DAND5: variants seen among roughly 807,000 people sequenced by gnomAD.
The protein encoded by DAND5 is DAN domain family member 5.
In DAND5, 8 loss-of-function variants were observed where a neutral mutation model predicts 9.2. That is an observed-to-expected ratio of 0.87 (90% CI 0.51 to 1.56). The LOEUF (loss-of-function observed/expected upper bound fraction) is 1.56. Among genes scored for constraint, DAND5 ranks in the 40% most tolerant of loss-of-function variants. The pLI, the probability that DAND5 is intolerant of heterozygous loss-of-function variation, is 0.00. For synonymous variants in DAND5, 95 were observed against 101.1 expected, an observed-to-expected ratio of 0.94 and a Z score of 0.36; for missense variants, 244 against 244.7, an observed-to-expected ratio of 1.00 and a Z score of 0.02.
In DAND5 at chr19:12,973,757, G is replaced by A. The variant is rs1325428382; in HGVS notation, c.*123G>A. 27 of 1,458,478 alleles carry A rather than the reference G, an allele frequency of 1.9e-5. No homozygotes were observed. Among genetic ancestry groups the A allele is most frequent in the African/African-American group, 2.8e-5 (2 of 71,656 alleles). 90.3% of individuals were successfully genotyped at this position (1,458,478 alleles called of 1,614,324 possible). Reference sequence around the variant, plus strand: ...CAAGAGACCAGGGATGCAGGGTTAGGCAGACAGGTCCCCAGAGTCCTCACC... The same window carrying A: ...CAAGAGACCAGGGATGCAGGGTTAGACAGACAGGTCCCCAGAGTCCTCACC... On this transcript the variant is annotated 3_prime_UTR_variant, in exon 2 of 2. Transcript: ENST00000317060.
intron 1 of DAND5, 31 bp from the exon 2 acceptor site, chr19:12,973,358 A>T (rs2011156428): frequency 6.2e-7 from 1 of 1,608,536 alleles, no homozygotes; most frequent in Admixed American, 1.7e-5. Context: ...AAACTCCGCC[A>T]CCCTGACCGT....
Position 12,969,828 on chromosome 19 carries a change from C to T in DAND5, c.168C>T (p.Ala56=), listed in dbSNP as rs1290364264. 6.2e-7 allele frequency: 1 copy of T among 1,611,328 alleles called. No homozygotes were observed. Among genetic ancestry groups the T allele is most frequent in the Non-Finnish European group, 8.5e-7 (1 of 1,178,564 alleles). Residue 56 remains alanine, a synonymous_variant, in exon 1 of 2, where the codon GCC becomes GCT. Transcript: ENST00000317060. ...GALPPLVPAS[A]LGSWKAFLGL... ...TGCCCCCACTGGTGCCAGCTTCTGC[C>T]CTTGGGAGCTGGAAGGCCTTCTTGG...
Position 12,969,754 on chromosome 19 carries a change from C to T in DAND5, c.94C>T (p.Gln32Ter), listed in dbSNP as rs750026070. 2.8e-5 allele frequency: 44 copies of T among 1,586,558 alleles called. No individual in the cohort carries two copies. Among genetic ancestry groups the T allele is most frequent in the African/African-American group, 4.0e-5 (3 of 74,100 alleles). Residue 32 changes from glutamine (Q) to a stop codon, truncating the protein, a stop_gained, in exon 1 of 2, where the codon CAG becomes TAG. Transcript: ENST00000317060. LOFTEE classifies it high-confidence loss of function. Reference sequence around the variant, plus strand: ...GCCTGAACCCCAGTCTCCTCGACCTCAGTCCTGGGCTGCAGCCAATCAGAC... The same window carrying T: ...GCCTGAACCCCAGTCTCCTCGACCTTAGTCCTGGGCTGCAGCCAATCAGAC... ...GRPEPQSPRP[Q>*]SWAAANQTWA...
At chr19:12,970,016 G>A in intron 1 of DAND5, 32 bp downstream of exon 1, 2 of 1,609,994 alleles carry the variant, frequency 1.2e-6, no homozygotes, top group Admixed American at 1.7e-5. Context: ...GGAGAGGGCT[G>A]GGTCTCACCA....
intron 1 of DAND5, among the ~76,000 whole-genome samples, chr19:12,973,086 TCTG>T (rs1389038700): frequency 1.3e-4 from 19 of 151,966 alleles, no homozygotes; most frequent in East Asian, 1.9e-4. Context: ...ATGGTCTCGA[TCTG>T]CTGACCTCGT....
chr19:12,971,905 G>A (rs546297770), intron 1 of DAND5, among the ~76,000 whole-genome samples: 166 of 150,720 alleles, frequency 1.1e-3, no homozygotes, highest in African/African-American at 3.8e-3. Context: ...CATGTTTTTT[G>A]TTAGAGACAG....
At chr19:12,971,965 A>G (rs2011147472) in intron 1 of DAND5, among the ~76,000 whole-genome samples, 1 of 150,950 alleles carries the variant, frequency 6.6e-6, no homozygotes, top group Admixed American at 6.6e-5. Flanking sequence ...ATCATAGCTC[A>G]CTGCAGATTT....
intron 1 of DAND5, among the ~76,000 whole-genome samples, chr19:12,970,900 C>T (rs1317520737): frequency 6.6e-6 from 1 of 152,166 alleles, no homozygotes; most frequent in African/African-American, 2.4e-5. Context: ...AGGCTGGTCT[C>T]GAACTCCTGA....
chr19:12,971,932 C>T (rs1027032390), intron 1 of DAND5, among the ~76,000 whole-genome samples: 2 of 152,024 alleles, frequency 1.3e-5, no homozygotes, highest in African/African-American at 2.4e-5. Flanking sequence ...ACTCTGTCAC[C>T]CAGGCTGGAG....
At position 12,969,822 on chromosome 19, in the gene DAND5, T is replaced by G; in HGVS notation, c.162T>G (p.Ala54=). ...GPGALPPLVP[A]SALGSWKAFL... ...GGGCCCTGCCCCCACTGGTGCCAGC[T>G]TCTGCCCTTGGGAGCTGGAAGGCCT... The change falls in exon 1 of 2, where the codon GCT becomes GCG. Residue 54 remains alanine, a synonymous_variant. Coordinates refer to ENST00000317060, the MANE Select transcript of DAND5 (RefSeq NM_152654.3). 4 of 1,609,874 alleles carry G rather than the reference T, an allele frequency of 2.5e-6. No homozygotes were observed. The highest frequency in any genetic ancestry group is 3.4e-6 in the Non-Finnish European group (4 of 1,177,844).
Position 12,969,875 on chromosome 19 carries a change from T to A in DAND5, c.215T>A (p.Leu72Gln). The A allele has an allele frequency of 6.2e-7, 1 of 1,614,102 alleles. No individual in the cohort carries two copies. Among genetic ancestry groups the A allele is most frequent in the Non-Finnish European group, 8.5e-7 (1 of 1,179,984 alleles). ...AFLGLQKARQ[L>Q]GMGRLQRGQD... ...TTGGGCCTGCAGAAAGCCAGGCAGCTGGGGATGGGCAGGCTGCAGCGTGGG... is the reference window on the plus strand; with the variant it reads ...TTGGGCCTGCAGAAAGCCAGGCAGCAGGGGATGGGCAGGCTGCAGCGTGGG... Residue 72 changes from leucine (L) to glutamine (Q), a missense_variant, in exon 1 of 2, where the codon CTG (leucine) becomes CAG (glutamine). Leu to Gln is a moderately radical substitution (Grantham distance 113). Coordinates refer to ENST00000317060, the MANE Select transcript of DAND5 (RefSeq NM_152654.3).
At chr19:12,973,344 C>T in intron 1 of DAND5, 45 bp from the exon 2 acceptor site, 1 of 1,595,760 alleles carries the variant, frequency 6.3e-7, no homozygotes, top group Non-Finnish European at 8.5e-7. Context: ...GCCACTCTGG[C>T]CCCAAACTCC....
rs761854671 is a variant in DAND5, at chr19:12,969,637, G to A, written c.-24G>A. On this transcript the variant is annotated 5_prime_UTR_variant, in exon 1 of 2. Transcript: ENST00000317060. ...GAGCCCAGTCCGGACAGACAGACAGGCAGACAGACGCACGGACAAGCAGAT... is the reference window on the plus strand; with the variant it reads ...GAGCCCAGTCCGGACAGACAGACAGACAGACAGACGCACGGACAAGCAGAT... The A allele has an allele frequency of 3.2e-6, 5 of 1,574,296 alleles. No individual in the cohort carries two copies. In the East Asian group the frequency reaches 6.7e-5, roughly 21 times the overall value.
At chr19:12,971,953 C>T (rs952515749) in intron 1 of DAND5, among the ~76,000 whole-genome samples, 12 of 151,374 alleles carry the variant, frequency 7.9e-5, no homozygotes, top group East Asian at 1.9e-4. Flanking sequence ...TACAGTGGTG[C>T]GATCATAGCT....
intron 1 of DAND5, among the ~76,000 whole-genome samples, chr19:12,970,814 G>C (rs937275374): frequency 1.4e-4 from 21 of 152,000 alleles, no homozygotes; most frequent in Non-Finnish European, 2.6e-4. Context: ...CCAAGTAATT[G>C]AGATTACAGA....
Position 12,973,479 on chromosome 19 carries a change from C to T in DAND5, c.415C>T (p.Pro139Ser), listed in dbSNP as rs752997763. 2.5e-6 allele frequency: 4 copies of T among 1,614,156 alleles called. No homozygotes were observed. In the East Asian group the frequency reaches 6.7e-5, roughly 27 times the overall value. ...CTCTCTCTACATCCCTGGCTCGGAC[C>T]CCACCCCACTAGTCCTGTGCAACAG... The part of the protein sequence containing the change: ...CSSLYIPGSD[P>S]TPLVLCNSCM... Residue 139 changes from proline to serine, a missense_variant, in exon 2 of 2, where the codon CCC (proline) becomes TCC (serine). By Grantham distance (74) the Pro-to-Ser change is moderately conservative. Transcript: ENST00000317060.
chr19:12,970,613 T>C (rs986072403), intron 1 of DAND5: 2 of 481,558 alleles, frequency 4.2e-6, no homozygotes, highest in South Asian at 3.7e-5. Context: ...TCTTTCTTTC[T>C]TTTCTTTCTT....
rs575145470 is a variant in DAND5 at position 12,969,712 on chromosome 19, C to T, written c.52C>T (p.Pro18Ser). ...TLLCLLSGAL[P>S]TGSGRPEPQS... ...TCTGTGCCTGCTTAGCGGGGCCCTG[C>T]CTACAGGCTCAGGGAGGCCTGAACC... The change falls in exon 1 of 2, where the codon CCT becomes TCT. Residue 18 changes from proline (P) to serine (S), a missense_variant. Physicochemically the swap from Pro to Ser is moderately conservative, Grantham distance 74. Transcript: ENST00000317060. 4.5e-5 allele frequency: 73 copies of T among 1,606,736 alleles called. No homozygotes were observed. In the South Asian group the frequency reaches 7.8e-4, roughly 17 times the overall value.
chr19:12,973,782 C>T lies in DAND5; in HGVS notation c.*148C>T. On this transcript the variant is annotated 3_prime_UTR_variant, in exon 2 of 2. Transcript: ENST00000317060. ...GCAGACAGGTCCCCAGAGTCCTCAC[C>T]CTGCTCCCCAGACAGTAGACACAGT... The T allele has an allele frequency of 8.3e-7, 1 of 1,210,176 alleles. No homozygotes were observed. The highest frequency in any genetic ancestry group is 1.1e-6 in the Non-Finnish European group (1 of 883,718). The allele number at this position is 1,210,176 out of a possible 1,614,324, so 75.0% of individuals were successfully genotyped here.
Sources: allele counts gnomAD v4.1 joint callset (sites outside exome capture counted in the v4.1 genomes callset), GRCh38; gene constraint gnomAD v4.1.1; transcripts MANE v1.5; gene names NCBI Gene and HGNC (gene_info 2026-07-23, HGNC 2026-07-21).